The following SNTB1 variants were observed in gnomAD, a reference collection of about 807,000 sequenced individuals.
SNTB1 encodes the protein beta-1-syntrophin.
SNTB1 carries 36 observed loss-of-function variants against 48.9 expected under a neutral mutation model. The observed-to-expected ratio is 0.74, with a 90% CI of 0.56 to 0.97. SNTB1 has a LOEUF of 0.97. SNTB1 is among the 50% of genes least tolerant of loss of function. SNTB1 has a pLI of 0.00. For missense variants in SNTB1, 786 were observed against 703.4 expected (o/e 1.12, Z -1.33); for synonymous variants, 299 against 294.6 (o/e 1.01, Z -0.15).
chr8:120,550,471 G>A (rs1343088457), intron 4 of SNTB1, among the ~76,000 whole-genome samples: 3 of 151,480 alleles, frequency 2.0e-5, no homozygotes, highest in Admixed American at 6.6e-5. Context: ...GAATCTGGGA[G>A]GCAGAGATTG....
intron 2 of SNTB1, among the ~76,000 whole-genome samples, chr8:120,676,202 A>G (rs889045363): frequency 6.6e-6 from 1 of 152,260 alleles, no homozygotes; most frequent in African/African-American, 2.4e-5. Context: ...TTGTCATAAA[A>G]TGAACTCTAC....
chr8:120,728,229 A>C (rs1027794670), intron 1 of SNTB1, among the ~76,000 whole-genome samples: 9 of 152,146 alleles, frequency 5.9e-5, no homozygotes, highest in African/African-American at 2.2e-4. Flanking sequence ...CCTGAGCTCA[A>C]GTCATCTGCC....
intron 4 of SNTB1, among the ~76,000 whole-genome samples, chr8:120,566,732 T>C (rs1372267925): frequency 6.6e-6 from 1 of 152,084 alleles, no homozygotes; most frequent in Admixed American, 6.6e-5. Context: ...TCTGATTCAG[T>C]TGGTCTGGGG....
chr8:120,776,612 C>T (rs1819740067), intron 1 of SNTB1: 1 of 152,090 alleles, frequency 6.6e-6, no homozygotes, highest in Non-Finnish European at 1.5e-5. Flanking sequence ...TTATTTACAA[C>T]CAAAATAAAA....
At chr8:120,552,781 A>C (rs1340165884) in intron 4 of SNTB1, among the ~76,000 whole-genome samples, 4 of 152,150 alleles carry the variant, frequency 2.6e-5, no homozygotes, top group Non-Finnish European at 5.9e-5. Flanking sequence ...TTTATTGTGC[A>C]CTTTATTGCT....
chr8:120,578,638 A>G (rs558307544), intron 3 of SNTB1, among the ~76,000 whole-genome samples: 1 of 152,206 alleles, frequency 6.6e-6, no homozygotes, highest in Non-Finnish European at 1.5e-5. Flanking sequence ...CAATTCTGAA[A>G]TTATTCTGAA....
At chr8:120,718,725 G>T (rs1818604855) in intron 1 of SNTB1, among the ~76,000 whole-genome samples, 1 of 152,068 alleles carries the variant, frequency 6.6e-6, no homozygotes. Flanking sequence ...TGAGTAGGAG[G>T]TACTTTGCTG....
intron 4 of SNTB1, among the ~76,000 whole-genome samples, chr8:120,559,308 TG>T (rs1815615909): frequency 6.6e-6 from 1 of 152,234 alleles, no homozygotes; most frequent in Non-Finnish European, 1.5e-5. Flanking sequence ...TCTTTTGGTC[TG>T]GGGGATAGAA....
At chr8:120,591,905 A>T (rs1424605952) in intron 3 of SNTB1, among the ~76,000 whole-genome samples, 1 of 152,202 alleles carries the variant, frequency 6.6e-6, no homozygotes, top group Non-Finnish European at 1.5e-5. Context: ...CAGCTCAGTT[A>T]AAGATGATGA....
At chr8:120,574,372 T>C (rs1815913492) in intron 4 of SNTB1, among the ~76,000 whole-genome samples, 1 of 152,148 alleles carries the variant, frequency 6.6e-6, no homozygotes, top group Non-Finnish European at 1.5e-5. Context: ...CATGTTGTTA[T>C]CACAAAAAAT....
chr8:120,613,844 T>C (rs6986440), intron 3 of SNTB1, among the ~76,000 whole-genome samples: 122,846 of 151,724 alleles, frequency 0.81, 50,757 homozygotes, highest in Middle Eastern at 0.9. Context: ...AGTTATTTGA[T>C]TGTGGACTCT....
At chr8:120,769,813 T>C (rs1819588198) in intron 1 of SNTB1, 1 of 152,262 alleles carries the variant, frequency 6.6e-6, no homozygotes, top group African/African-American at 2.4e-5. Flanking sequence ...GAATACTTTT[T>C]TAAAGTTATG....
At chr8:120,573,327 T>C (rs1815888186) in intron 4 of SNTB1, among the ~76,000 whole-genome samples, 1 of 152,246 alleles carries the variant, frequency 6.6e-6, no homozygotes, top group Admixed American at 6.5e-5. Flanking sequence ...ATTAGTGACA[T>C]TAAACACCTT....
chr8:120,677,049 G>A (rs1432228803), intron 2 of SNTB1, among the ~76,000 whole-genome samples: 2 of 142,584 alleles, frequency 1.4e-5, no homozygotes, highest in African/African-American at 5.5e-5. Context: ...GGGTGACAGA[G>A]TGAGACCCTA....
At chr8:120,628,269 T>G (rs1816917823) in intron 3 of SNTB1, among the ~76,000 whole-genome samples, 1 of 152,236 alleles carries the variant, frequency 6.6e-6, no homozygotes, top group Non-Finnish European at 1.5e-5. Context: ...TTACTGTTTT[T>G]CTAAGTAGCA....
intron 2 of SNTB1, among the ~76,000 whole-genome samples, chr8:120,682,402 C>T (rs561518584): frequency 4.7e-4 from 71 of 152,252 alleles, no homozygotes; most frequent in African/African-American, 1.6e-3. Context: ...TACTTCTTTA[C>T]TTAGTCTCAT....
At chr8:120,745,214 C>A (rs138962108) in intron 1 of SNTB1, among the ~76,000 whole-genome samples, 5 of 152,234 alleles carry the variant, frequency 3.3e-5, no homozygotes, top group African/African-American at 7.2e-5. Context: ...TCCCTGACTG[C>A]AGCTTTCATC....
intron 1 of SNTB1, among the ~76,000 whole-genome samples, chr8:120,790,006 C>A: frequency 6.6e-6 from 1 of 151,910 alleles, no homozygotes; most frequent in African/African-American, 2.4e-5. Context: ...TCTAGCCAAC[C>A]AAATCCAACA....
intron 2 of SNTB1, among the ~76,000 whole-genome samples, chr8:120,679,394 C>G (rs1021060494): frequency 6.6e-6 from 1 of 152,194 alleles, no homozygotes; most frequent in Non-Finnish European, 1.5e-5. Context: ...AAAGCCTAAA[C>G]CTTTCCTCCA....
Sources: allele counts gnomAD v4.1 joint callset (sites outside exome capture counted in the v4.1 genomes callset), GRCh38; gene constraint gnomAD v4.1.1; transcripts MANE v1.5; gene names NCBI Gene and HGNC (gene_info 2026-07-23, HGNC 2026-07-21).